The following MESD variants were observed in gnomAD, a reference collection of about 807,000 sequenced individuals.
MESD encodes LRP chaperone MESD.
MESD carries 7 observed loss-of-function variants against 12.9 expected under a neutral mutation model. The ratio of observed to expected loss-of-function variants is 0.54; its 90% CI spans 0.31 to 1.02. The LOEUF (loss-of-function observed/expected upper bound fraction) is 1.02. Ranked by LOEUF, MESD falls within the 50% of genes least tolerant of loss-of-function variation. The pLI is 0.05. For missense variants in MESD, 342 were observed against 296.7 expected (o/e 1.15, Z -1.12); for synonymous variants, 126 against 115.6 (o/e 1.09, Z -0.58).
At chr15:80,965,662 A>T (rs1475599731) in intron 3 of MESD, among the ~76,000 whole-genome samples, 1 of 152,244 alleles carries the variant, frequency 6.6e-6, no homozygotes, top group African/African-American at 2.4e-5. Context: ...AGGGACATGG[A>T]TGAAGCTGGA....
intron 1 of MESD, among the ~76,000 whole-genome samples, chr15:80,987,854 G>A (rs924388804): frequency 7.2e-5 from 11 of 152,088 alleles, no homozygotes; most frequent in African/African-American, 2.4e-4. Flanking sequence ...CCCAGGCATG[G>A]TGGCTCACGC....
chr15:80,984,243 G>T (rs932785573), intron 1 of MESD, among the ~76,000 whole-genome samples: 1 of 151,948 alleles, frequency 6.6e-6, no homozygotes, highest in Admixed American at 6.6e-5. Flanking sequence ...ATAGAACCAG[G>T]TTCCTTGGAG....
chr15:80,988,767 G>A (rs951485491), intron 1 of MESD, among the ~76,000 whole-genome samples: 1 of 152,176 alleles, frequency 6.6e-6, no homozygotes, highest in African/African-American at 2.4e-5. Flanking sequence ...AAGAAACCGA[G>A]GCCTAGAAAC....
At chr15:80,956,614 A>T (rs1901990149) in intron 3 of MESD, among the ~76,000 whole-genome samples, 1 of 152,224 alleles carries the variant, frequency 6.6e-6, no homozygotes, top group Non-Finnish European at 1.5e-5. Context: ...CCAACCCTAA[A>T]ACCACAAAGA....
chr15:80,960,036 A>G (rs572146098), intron 3 of MESD, among the ~76,000 whole-genome samples: 38 of 152,264 alleles, frequency 2.5e-4, no homozygotes, highest in Non-Finnish European at 4.7e-4. Flanking sequence ...CCAGCTCATC[A>G]CTGACAGAAG....
chr15:80,948,224 C>G (rs184543069), exon 5 of MESD: 1 of 177,082 alleles, frequency 5.6e-6, no homozygotes, highest in African/African-American at 2.4e-5. Flanking sequence ...TCCCATGCCC[C>G]TCGGATGCTC....
rs1902507212 is a variant in MESD at position 80,979,281 on chromosome 15, C to A, written c.643G>T (p.Asp215Tyr). ...QDKGKKKKEG[D>Y]LKSRSSKEEN... ...TCCTTGGAAGACCGAGATTTCAGATCTCCTTCCTTCTTTTTTTTGCCCTTG... is the reference window on the plus strand; with the variant it reads ...TCCTTGGAAGACCGAGATTTCAGATATCCTTCCTTCTTTTTTTTGCCCTTG... Residue 215 changes from aspartate to tyrosine, a missense_variant, in exon 3 of 3, where the codon GAT (aspartate) becomes TAT (tyrosine). Asp to Tyr is a radical substitution (Grantham distance 160, BLOSUM62 -3). Coordinates refer to ENST00000261758, the MANE Select transcript of MESD (RefSeq NM_015154.3). 2 of 1,613,964 alleles carry A rather than the reference C, an allele frequency of 1.2e-6. No homozygotes were observed. Among genetic ancestry groups the A allele is most frequent in the Non-Finnish European group, 8.5e-7 (1 of 1,179,998 alleles).
chr15:80,946,596 A>G (rs1901563446), downstream of MESD: 1 of 260,238 alleles, frequency 3.8e-6, no homozygotes, highest in South Asian at 5.0e-5. Flanking sequence ...AGGGTTGAGA[A>G]CATTCAAGGG....
intron 2 of MESD, among the ~76,000 whole-genome samples, chr15:80,981,600 A>G (rs1156859386): frequency 6.6e-6 from 1 of 152,174 alleles, no homozygotes; most frequent in Non-Finnish European, 1.5e-5. Flanking sequence ...TCACGCCTGT[A>G]ATCCCAGCAC....
chr15:80,972,053 T>C (rs187525370), downstream of MESD, among the ~76,000 whole-genome samples: 19 of 151,552 alleles, frequency 1.3e-4, no homozygotes, highest in African/African-American at 4.4e-4. Flanking sequence ...AAAACTCAAA[T>C]ATAGAAAAAA....
At chr15:80,960,262 G>C (rs1378526940) in intron 3 of MESD, among the ~76,000 whole-genome samples, 2 of 152,036 alleles carry the variant, frequency 1.3e-5, no homozygotes, top group East Asian at 3.9e-4. Flanking sequence ...CTACTCAGGA[G>C]GCTGAGGTGG....
At chr15:80,949,414 A>G (rs977609764) in intron 4 of MESD, 3 of 230,214 alleles carry the variant, frequency 1.3e-5, no homozygotes, top group Non-Finnish European at 2.6e-5. Context: ...GCAAGAGCCA[A>G]CCTCACAGGA....
Position 80,977,766 on chromosome 15 carries a change from C to G in MESD, c.*1453G>C, listed in dbSNP as rs1902456384. 6.6e-6 allele frequency: 1 copy of G among 152,236 alleles called. No individual in the cohort carries two copies. The allele number at this position is 152,236 out of a possible 1,614,324, so 9.4% of individuals were successfully genotyped here. A position where few individuals can be genotyped will look rare whatever the true frequency, so the allele number is the denominator to read the frequency against. ...ACAGTTCTCTTCTCCAAGGGCGGGG[C>G]CTACAACAGCTCCCGCTCCAGGTTC... On this transcript the variant is annotated 3_prime_UTR_variant, in exon 3 of 3. Coordinates refer to ENST00000261758, the MANE Select transcript of MESD (RefSeq NM_015154.3).
chr15:80,989,504 C>T, intron 1 of MESD, 75 bp downstream of exon 1: 1 of 1,500,434 alleles, frequency 6.7e-7, no homozygotes, highest in Non-Finnish European at 9.1e-7. Flanking sequence ...GGTCCCAAGA[C>T]AGAACAGGTA....
chr15:80,960,057 C>T (rs1033894753), intron 3 of MESD, among the ~76,000 whole-genome samples: 2 of 152,134 alleles, frequency 1.3e-5, no homozygotes, highest in African/African-American at 4.8e-5. Context: ...GCTGAGTGAA[C>T]AAAGGGGGTT....
In MESD at chr15:80,979,116, T is replaced by C; in HGVS notation, c.*103A>G. ...AGACCCTTTCTAGAAGACACTAGAA[T>C]GTCATCCGGTGTGCAGTTGCCTGAG... On this transcript the variant is annotated 3_prime_UTR_variant, in exon 3 of 3. Coordinates refer to ENST00000261758, the MANE Select transcript of MESD (RefSeq NM_015154.3). 1 of 1,451,260 alleles carries C rather than the reference T, an allele frequency of 6.9e-7. No homozygotes were observed. The highest frequency in any genetic ancestry group is 9.3e-7 in the Non-Finnish European group (1 of 1,076,312). The allele number at this position is 1,451,260 out of a possible 1,614,324, so 89.9% of individuals were successfully genotyped here.
chr15:80,964,342 A>C lies in MESD; in HGVS notation c.*289-12046T>G, dbSNP rs150607235. Among the ~76,000 whole-genome samples, 259 of 152,354 alleles carry C rather than the reference A, an allele frequency of 1.7e-3. 1 individual carries two copies. The highest frequency in any genetic ancestry group is 6.0e-3 in the African/African-American group (250 of 41,574). ...ATAAAAGAGGACACAAACAAATGGA[A>C]GAACATTCCATGCTCATGGATCAAT... On this transcript the variant is annotated intron_variant, in intron 3 of 4. Coordinates refer to the MESD transcript ENST00000561312.
intron 1 of MESD, among the ~76,000 whole-genome samples, chr15:80,985,196 T>C (rs1902695379): frequency 6.6e-6 from 1 of 152,264 alleles, no homozygotes; most frequent in Admixed American, 6.5e-5. Flanking sequence ...TGGGCTGTGC[T>C]GTCAGACGGA....
chr15:80,968,345 A>T (rs1902216725), intron 3 of MESD, among the ~76,000 whole-genome samples: 1 of 152,168 alleles, frequency 6.6e-6, no homozygotes, highest in Non-Finnish European at 1.5e-5. Context: ...CCTCCCTTAG[A>T]GTGTCAAGCC....
Sources: gnomAD v4.1 joint callset for allele counts (sites outside exome capture counted in the v4.1 genomes callset) on GRCh38, gnomAD v4.1.1 for gene constraint, MANE v1.5 for transcripts, NCBI Gene and HGNC (gene_info 2026-07-23, HGNC 2026-07-21) for gene names.